LRP5: variants seen among roughly 807,000 people sequenced by gnomAD.
LRP5 encodes the protein LDL receptor related protein 5.
In LRP5, 62 loss-of-function variants were observed where a neutral mutation model predicts 154.1. The ratio of observed to expected loss-of-function variants is 0.40; its 90% confidence interval spans 0.33 to 0.50. The LOEUF (loss-of-function observed/expected upper bound fraction) is 0.50. LRP5 is among the 20% of genes least tolerant of loss of function. The pLI is 0.55. For missense variants in LRP5, 1,915 were observed against 2,336.7 expected (o/e 0.82, Z 3.72); for synonymous variants, 966 against 1,011.5 (o/e 0.96, Z 0.85).
At chr11:68,338,087 C>G (rs1342552587) in intron 1 of LRP5, among the ~76,000 whole-genome samples, 1 of 152,138 alleles carries the variant, frequency 6.6e-6, no homozygotes. Flanking sequence ...CTCTGGAGCC[C>G]TGATGTCTTC....
intron 7 of LRP5, among the ~76,000 whole-genome samples, chr11:68,396,911 C>T (rs965079431): frequency 6.6e-6 from 1 of 152,164 alleles, no homozygotes; most frequent in Non-Finnish European, 1.5e-5. Flanking sequence ...CCCGAGTGGT[C>T]GTGGGCTGAG....
intron 1 of LRP5, among the ~76,000 whole-genome samples, chr11:68,344,094 C>T (rs116566128): frequency 0.014 from 2,153 of 152,134 alleles, 47 homozygotes; most frequent in African/African-American, 0.049. Flanking sequence ...CTGGGTGCAT[C>T]GCCCGCAGGC....
chr11:68,357,978 C>A, intron 3 of LRP5, 131 bp downstream of exon 3: 1 of 869,542 alleles, frequency 1.2e-6, no homozygotes, highest in Non-Finnish European at 1.8e-6. Context: ...CAGGACTTCT[C>A]AGAACTTGGA....
At chr11:68,309,249 T>TA, upstream of LRP5, among the ~76,000 whole-genome samples, 1 of 145,186 alleles carries the variant, frequency 6.9e-6, no homozygotes, top group Middle Eastern at 3.7e-3. Flanking sequence ...TTCTTTTTTT[T>TA]AGAGACGGAG....
intron 5 of LRP5, among the ~76,000 whole-genome samples, chr11:68,371,864 A>T (rs2098634187): frequency 6.6e-6 from 1 of 152,254 alleles, no homozygotes; most frequent in South Asian, 2.1e-4. Flanking sequence ...GAGGGCTGCC[A>T]GTGCCCAGAG....
At position 68,406,727 on chromosome 11, in the gene LRP5, A is replaced by G; in HGVS notation, c.2005A>G (p.Ile669Val). 6.2e-7 allele frequency: 1 copy of G among 1,614,170 alleles called. No homozygotes were observed. The highest frequency in any genetic ancestry group is 8.5e-7 in the Non-Finnish European group (1 of 1,180,034). The change falls in exon 9 of 23, where the codon ATC (isoleucine) becomes GTC (valine). Residue 669 changes from isoleucine to valine, a missense_variant. Ile to Val is a conservative substitution (Grantham distance 29, BLOSUM62 3). This residue lies in a region of LRP5 where 773 missense variants were observed against 1,100.9 expected (regional missense o/e 0.70). Transcript: ENST00000294304. ...CGAGACCAATAACAACGACGTGGCC[A>G]TCCCGCTCACGGGCGTCAAGGAGGC... ...SLETNNNDVA[I>V]PLTGVKEASA...
chr11:68,364,910 A>T (rs754928416), intron 4 of LRP5, among the ~76,000 whole-genome samples: 1 of 129,310 alleles, frequency 7.7e-6, no homozygotes, highest in Non-Finnish European at 1.6e-5. Flanking sequence ...TTATATCCGT[A>T]TTTTGGGGCT....
chr11:68,321,940 T>C (rs906933685), intron 1 of LRP5, among the ~76,000 whole-genome samples: 3 of 152,228 alleles, frequency 2.0e-5, no homozygotes, highest in Non-Finnish European at 2.9e-5. Flanking sequence ...TTCCAGGCTC[T>C]GGCCACCTTG....
Position 68,433,727 on chromosome 11 carries a change from G to A in LRP5, c.3889G>A (p.Val1297Met), listed in dbSNP as rs1274092875. Residue 1297 changes from valine to methionine, a missense_variant, in exon 18 of 23, where the codon GTG (valine) becomes ATG (methionine). Transcript: ENST00000294304. ...CCAGAGCGACGAGGAGGGCTGCCCCGTGTGCTCCGCCGCCCAGTTCCCCTG... is the reference window on the plus strand; with the variant it reads ...CCAGAGCGACGAGGAGGGCTGCCCCATGTGCTCCGCCGCCCAGTTCCCCTG... ...DDQSDEEGCP[V>M]CSAAQFPCAR... is the part of the protein sequence containing the mutation. 1.9e-6 allele frequency: 3 copies of A among 1,612,818 alleles called. No homozygotes were observed. The highest frequency in any genetic ancestry group is 2.2e-5 in the East Asian group (1 of 44,882).
intron 7 of LRP5, among the ~76,000 whole-genome samples, chr11:68,391,600 G>T (rs769327072): frequency 1.1e-4 from 16 of 152,222 alleles, no homozygotes; most frequent in Non-Finnish European, 1.9e-4. Flanking sequence ...CACCTTCAGG[G>T]TGGGGAACCC....
intron 7 of LRP5, among the ~76,000 whole-genome samples, chr11:68,400,684 C>T (rs952111303): frequency 6.6e-6 from 1 of 152,064 alleles, no homozygotes; most frequent in African/African-American, 2.4e-5. Flanking sequence ...GCCAAGATCA[C>T]GCCATTGCAC....
At chr11:68,333,180 C>G (rs369449857) in intron 1 of LRP5, among the ~76,000 whole-genome samples, 2 of 152,260 alleles carry the variant, frequency 1.3e-5, no homozygotes, top group African/African-American at 4.8e-5. Flanking sequence ...CTGTGAGCTG[C>G]GTGCAGGTAA....
Position 68,423,443 on chromosome 11 carries a change from G to A in LRP5, c.3028-46G>A, listed in dbSNP as rs769863537. On this transcript the variant is annotated intron_variant, in intron 13 of 22. Coordinates refer to ENST00000294304, the MANE Select transcript of LRP5 (RefSeq NM_002335.4). This position sits in a 1 kb window ranked among gnomAD's most constrained non-coding sequence, Gnocchi z 4.7. ...TGCCAGGGGTCTCCGCCAGTGCCCA[G>A]GGGTCTCCGCCAGTGCTCAGGAGTC... The A allele has an allele frequency of 4.9e-5, 77 of 1,576,830 alleles. No homozygotes were observed. Among genetic ancestry groups the A allele is most frequent in the Non-Finnish European group, 6.5e-5 (74 of 1,146,402 alleles).
chr11:68,311,786 C>A (rs534606570), upstream of LRP5, among the ~76,000 whole-genome samples: 1 of 152,276 alleles, frequency 6.6e-6, no homozygotes, highest in East Asian at 1.9e-4. Flanking sequence ...TACTTAGACC[C>A]GCCAAGGGCA....
Position 68,413,594 on chromosome 11 carries a change from T to A in LRP5, c.2504-95T>A, listed in dbSNP as rs2098660785. ...TAAGGCATTCATGTGGTCGCTAGGC[T>A]GCAGGGTTGAACCCTGGCTCACCCC... On this transcript the variant is annotated intron_variant, in intron 11 of 22. Coordinates refer to ENST00000294304, the MANE Select transcript of LRP5 (RefSeq NM_002335.4). The surrounding 1 kb of genome is among the most constrained non-coding windows in gnomAD (Gnocchi z 5.1). 9.1e-7 allele frequency: 1 copy of A among 1,098,546 alleles called. No individual in the cohort carries two copies. Among genetic ancestry groups the A allele is most frequent in the Non-Finnish European group, 1.4e-6 (1 of 719,082 alleles). 68.0% of individuals were successfully genotyped at this position (1,098,546 alleles called of 1,614,324 possible). A position where few individuals can be genotyped will look rare whatever the true frequency, so the allele number is the denominator to read the frequency against.
intron 12 of LRP5, 42 bp downstream of exon 12, chr11:68,414,054 A>G (rs1390034206): frequency 6.4e-7 from 1 of 1,567,726 alleles, no homozygotes; most frequent in South Asian, 1.1e-5. Flanking sequence ...CCCTCGTTAG[A>G]TCAGGCTGGT....
chr11:68,361,518 TC>T (rs1464127924), intron 3 of LRP5, among the ~76,000 whole-genome samples: 1 of 150,392 alleles, frequency 6.6e-6, no homozygotes, highest in Non-Finnish European at 1.5e-5. Context: ...GTGACTATAG[TC>T]CCAGCCACTC....
At chr11:68,385,983 A>G (rs2098642784) in intron 5 of LRP5, among the ~76,000 whole-genome samples, 1 of 151,976 alleles carries the variant, frequency 6.6e-6, no homozygotes, top group Non-Finnish European at 1.5e-5. Flanking sequence ...GGCTGGCAGG[A>G]GACAAGGGGG....
intron 1 of LRP5, among the ~76,000 whole-genome samples, chr11:68,342,948 G>A (rs900588682): frequency 2.0e-5 from 3 of 152,194 alleles, no homozygotes; most frequent in Non-Finnish European, 4.4e-5. Context: ...AGGGCCCCCC[G>A]CTGGGACCTC....
Sources: gnomAD v4.1 joint callset for allele counts (sites outside exome capture counted in the v4.1 genomes callset) on GRCh38, gnomAD v4.1.1 for gene constraint, gnomAD v4.1.1 regional missense constraint, Gnocchi (gnomAD v3.1) non-coding constraint, MANE v1.5 for transcripts, NCBI Gene and HGNC (gene_info 2026-07-23, HGNC 2026-07-21) for gene names.